The following NR4A1 variants were observed in gnomAD, a reference collection of about 807,000 sequenced individuals.
NR4A1 encodes the protein nuclear receptor subfamily 4 group A member 1.
A neutral mutation model predicts 47.5 loss-of-function variants in NR4A1; 24 were observed. The observed-to-expected ratio is 0.50, with a 90% CI of 0.37 to 0.71. The LOEUF is 0.71. Ranked by LOEUF, NR4A1 falls within the 30% of genes least tolerant of loss-of-function variation. The pLI, the probability that NR4A1 is intolerant of heterozygous loss-of-function variation, is 0.00. For synonymous variants in NR4A1, 353 were observed against 345.7 expected (o/e 1.02, Z -0.24); for missense variants, 669 against 788.6 (o/e 0.85, Z 1.82).
intron 1 of NR4A1, 125 bp from the exon 2 acceptor site, chr12:52,054,202 C>T: frequency 1.3e-6 from 1 of 798,878 alleles, no homozygotes; most frequent in African/African-American, 1.7e-5. Flanking sequence ...CCCGGTGCCT[C>T]TGTCTCATCT....
At chr12:52,027,510 C>T (rs1364552780) in intron 1 of NR4A1, among the ~76,000 whole-genome samples, 1 of 152,258 alleles carries the variant, frequency 6.6e-6, no homozygotes, top group African/African-American at 2.4e-5. Flanking sequence ...ATGCTGGGAG[C>T]CAGGGCCTTG....
intron 1 of NR4A1, among the ~76,000 whole-genome samples, chr12:52,031,133 C>T (rs903313197): frequency 5.9e-5 from 9 of 152,082 alleles, no homozygotes; most frequent in Admixed American, 1.3e-4. Context: ...CTCTCACCTC[C>T]GCCCTGAAGT....
At chr12:52,026,981 G>A (rs1272209201) in intron 1 of NR4A1, among the ~76,000 whole-genome samples, 2 of 152,206 alleles carry the variant, frequency 1.3e-5, no homozygotes, top group Admixed American at 6.5e-5. Flanking sequence ...TCCATGGACC[G>A]CAGATGGCCA....
At chr12:52,031,926 A>G (rs1304399794) in intron 1 of NR4A1, among the ~76,000 whole-genome samples, 2 of 151,946 alleles carry the variant, frequency 1.3e-5, no homozygotes, top group African/African-American at 2.4e-5. Context: ...CCTCCGGAGT[A>G]GCTGGGATTA....
At chr12:52,036,444 C>T (rs922714580) in intron 1 of NR4A1, among the ~76,000 whole-genome samples, 1 of 152,200 alleles carries the variant, frequency 6.6e-6, no homozygotes, top group African/African-American at 2.4e-5. Context: ...GGCACCTCCA[C>T]AGCTGTTATC....
In NR4A1 at chr12:52,058,565, T is replaced by C. The variant is rs761015528; in HGVS notation, c.1541-123T>C. 1.8e-5 allele frequency: 23 copies of C among 1,302,858 alleles called. No homozygotes were observed. The South Asian group carries it at 2.8e-4, about 16-fold the overall frequency. 80.7% of individuals were successfully genotyped at this position (1,302,858 alleles called of 1,614,324 possible). On this transcript the variant is annotated intron_variant, in intron 6 of 6. Transcript: ENST00000394825. The stretch of plus-strand genomic sequence containing the variant: ...CTAATGGCCAACATGTGAATGCGCT[T>C]TTGTGAAGTGCCAGCAGAGCATGAG...
chr12:52,040,963 G>A (rs942396849), intron 1 of NR4A1, among the ~76,000 whole-genome samples: 2 of 152,142 alleles, frequency 1.3e-5, no homozygotes, highest in African/African-American at 4.8e-5. Flanking sequence ...TCAAGGTGCC[G>A]TGGCTGAATG....
At position 52,056,055 on chromosome 12, in the gene NR4A1, A is replaced by G; in HGVS notation, c.902A>G (p.Tyr301Cys). Residue 301 changes from tyrosine to cysteine, a missense_variant, in exon 3 of 7, where the codon TAC (tyrosine) becomes TGC (cysteine). Physicochemically the swap from Tyr to Cys is radical, Grantham distance 194. Transcript: ENST00000394825. ...FKRTVQKNAKYICLANKDCPV... is the reference protein window; with the variant it reads ...FKRTVQKNAKCICLANKDCPV... Reference sequence around the variant, plus strand: ...CGCACAGTGCAGAAAAACGCCAAGTACATCTGCCTGGCTAACAAGGACTGC... The same window carrying G: ...CGCACAGTGCAGAAAAACGCCAAGTGCATCTGCCTGGCTAACAAGGACTGC... 1 of 1,595,312 alleles carries G rather than the reference A, an allele frequency of 6.3e-7. No homozygotes were observed. Among genetic ancestry groups the G allele is most frequent in the Non-Finnish European group, 8.5e-7 (1 of 1,171,352 alleles).
In NR4A1 at chr12:52,057,379, C is replaced by G. The variant is rs766543820; in HGVS notation, c.1389C>G (p.Ile463Met). The change falls in exon 6 of 7, where the codon ATC becomes ATG. Residue 463 changes from isoleucine (I) to methionine (M), a missense_variant. Transcript: ENST00000394825. ...YRSKPGEGKL[I>M]FCSGLVLHRL... ...CTAAGCCAGGCGAGGGCAAGCTCATCTTCTGCTCAGGCCTGGTGCTACACC... is the reference window on the plus strand; with the variant it reads ...CTAAGCCAGGCGAGGGCAAGCTCATGTTCTGCTCAGGCCTGGTGCTACACC... The G allele has an allele frequency of 6.2e-6, 10 of 1,614,248 alleles. No homozygotes were observed. The highest frequency in any genetic ancestry group is 6.8e-6 in the Non-Finnish European group (8 of 1,180,050).
At chr12:52,033,172 C>G (rs1938165721) in intron 1 of NR4A1, among the ~76,000 whole-genome samples, 1 of 152,206 alleles carries the variant, frequency 6.6e-6, no homozygotes, top group Non-Finnish European at 1.5e-5. Context: ...TTCCCCGGCC[C>G]CACCCCGCCC....
At chr12:52,051,853 C>G (rs745964024) in intron 1 of NR4A1, among the ~76,000 whole-genome samples, 9 of 152,056 alleles carry the variant, frequency 5.9e-5, no homozygotes, top group Non-Finnish European at 1.2e-4. Flanking sequence ...AGTTCAGTCT[C>G]CTAGGGTGCC....
intron 2 of NR4A1, among the ~76,000 whole-genome samples, chr12:52,046,172 G>T (rs574226543): frequency 7.2e-5 from 11 of 152,320 alleles, no homozygotes; most frequent in African/African-American, 1.7e-4. Flanking sequence ...GAGGGGCAGC[G>T]TGGGAAAAGG....
intron 1 of NR4A1, among the ~76,000 whole-genome samples, chr12:52,031,356 G>A (rs1468299791): frequency 6.7e-6 from 1 of 150,182 alleles, no homozygotes; most frequent in Non-Finnish European, 1.5e-5. Flanking sequence ...GCTACTTCCC[G>A]CCAGGCACAG....
intron 1 of NR4A1, chr12:52,038,139 A>C (rs544441823): frequency 1.1e-6 from 1 of 880,612 alleles, no homozygotes; most frequent in African/African-American, 1.9e-5. Flanking sequence ...ATCTCGGCTC[A>C]CTGCAATCTC....
At chr12:52,035,322 A>G (rs958509527) in intron 1 of NR4A1, among the ~76,000 whole-genome samples, 1 of 152,252 alleles carries the variant, frequency 6.6e-6, no homozygotes, top group African/African-American at 2.4e-5. Flanking sequence ...AAGTTATGCT[A>G]AAAGTATTTA....
At chr12:52,055,350 C>T in intron 2 of NR4A1, 146 bp downstream of exon 2, 2 of 1,020,186 alleles carry the variant, frequency 2.0e-6, no homozygotes, top group East Asian at 5.2e-5. Context: ...GGTGGGCCGC[C>T]TTCCTGGAGA....
intron 1 of NR4A1, among the ~76,000 whole-genome samples, chr12:52,031,007 A>G (rs1435568084): frequency 6.6e-6 from 1 of 151,702 alleles, no homozygotes; most frequent in Non-Finnish European, 1.5e-5. Context: ...CTCTCCACCG[A>G]CAAACTCCCC....
At chr12:52,042,990 G>A (rs1592288965) in intron 2 of NR4A1, among the ~76,000 whole-genome samples, 1 of 152,302 alleles carries the variant, frequency 6.6e-6, no homozygotes, top group South Asian at 2.1e-4. Context: ...CTCATGGGGG[G>A]TCAGCGTTCA....
intron 4 of NR4A1, 81 bp downstream of exon 4, chr12:52,056,726 C>CCACCCCGTG: frequency 7.4e-7 from 1 of 1,347,394 alleles, no homozygotes; most frequent in Non-Finnish European, 1.0e-6. Context: ...GAGCTACCCC[C>CCACCCCGTG]TCTGGAAGGA....
Sources: gnomAD v4.1 joint callset for allele counts (sites outside exome capture counted in the v4.1 genomes callset) on GRCh38, gnomAD v4.1.1 for gene constraint, MANE v1.5 for transcripts, NCBI Gene and HGNC (gene_info 2026-07-23, HGNC 2026-07-21) for gene names.